Variants in GPC6 observed in about 807,000 individuals in gnomAD.
The protein encoded by GPC6 is glypican-6.
GPC6 carries 14 observed loss-of-function variants against 55.2 expected under a neutral mutation model. The observed-to-expected ratio is 0.25, with a 90% CI of 0.17 to 0.40. The LOEUF is 0.40. Ranked by LOEUF, GPC6 falls within the 10% of genes least tolerant of loss-of-function variation. GPC6 has a pLI of 1.00. For missense variants in GPC6, 641 were observed against 708.5 expected (o/e 0.90, Z 1.08); for synonymous variants, 278 against 259.6 (o/e 1.07, Z -0.68).
chr13:93,736,916 A>G (rs1290821313), intron 2 of GPC6, among the ~76,000 whole-genome samples: 1 of 152,178 alleles, frequency 6.6e-6, no homozygotes, highest in Non-Finnish European at 1.5e-5. Context: ...TGTTAGCTAA[A>G]CTGAGAAAGG....
chr13:93,485,970 GACTA>G (rs1328993623), intron 1 of GPC6, among the ~76,000 whole-genome samples: 1 of 152,174 alleles, frequency 6.6e-6, no homozygotes, highest in African/African-American at 2.4e-5. Context: ...AAGAGAAAAT[GACTA>G]ACTATGGAAA....
intron 1 of GPC6, among the ~76,000 whole-genome samples, chr13:93,462,226 A>C (rs1476593900): frequency 6.6e-6 from 1 of 152,204 alleles, no homozygotes; most frequent in African/African-American, 2.4e-5. Flanking sequence ...TCCATCCTTC[A>C]TCATCCTTGA....
chr13:94,263,036 A>G (rs1290244439), intron 4 of GPC6, among the ~76,000 whole-genome samples: 6 of 152,232 alleles, frequency 3.9e-5, no homozygotes, highest in Non-Finnish European at 7.3e-5. Flanking sequence ...CTTAGTGCCA[A>G]TCACATGTCA....
intron 2 of GPC6, among the ~76,000 whole-genome samples, chr13:93,819,170 A>C (rs879566653): frequency 6.6e-6 from 1 of 152,202 alleles, no homozygotes; most frequent in Non-Finnish European, 1.5e-5. Context: ...GTTCCTCTTT[A>C]GTCTCCTTAG....
intron 2 of GPC6, among the ~76,000 whole-genome samples, chr13:93,809,730 C>G (rs1886640679): frequency 6.6e-6 from 1 of 152,160 alleles, no homozygotes; most frequent in African/African-American, 2.4e-5. Context: ...TGCTGCTTGG[C>G]TGCCTGGATT....
chr13:93,379,166 A>G (rs1421163893), intron 1 of GPC6, among the ~76,000 whole-genome samples: 1 of 152,086 alleles, frequency 6.6e-6, no homozygotes, highest in African/African-American at 2.4e-5. Context: ...TAATCCTCCC[A>G]CCTCAGCTTC....
chr13:94,239,375 C>T (rs1202468495), intron 4 of GPC6, among the ~76,000 whole-genome samples: 1 of 152,148 alleles, frequency 6.6e-6, no homozygotes, highest in African/African-American at 2.4e-5. Context: ...TACTCCCACA[C>T]ATGTGGTTAA....
intron 8 of GPC6, among the ~76,000 whole-genome samples, chr13:94,400,406 A>G (rs1384707338): frequency 5.3e-5 from 8 of 152,136 alleles, no homozygotes; most frequent in Admixed American, 5.2e-4. Context: ...TATCTCTGTA[A>G]AGGTTGTATT....
At chr13:93,247,130 T>G (rs1230960548) in intron 1 of GPC6, among the ~76,000 whole-genome samples, 9 of 152,264 alleles carry the variant, frequency 5.9e-5, no homozygotes, top group African/African-American at 2.2e-4. Flanking sequence ...TGCAGTACCC[T>G]TAGGAGATAC....
At chr13:94,281,823 C>T (rs1207608243) in intron 4 of GPC6, among the ~76,000 whole-genome samples, 3 of 152,210 alleles carry the variant, frequency 2.0e-5, no homozygotes, top group Non-Finnish European at 4.4e-5. Context: ...GGTTCCTCAC[C>T]TGAAGCTAGC....
At chr13:93,280,495 AT>A (rs1396405173) in intron 1 of GPC6, among the ~76,000 whole-genome samples, 4 of 152,264 alleles carry the variant, frequency 2.6e-5, no homozygotes, top group Non-Finnish European at 4.4e-5. Context: ...AAATTCTTAC[AT>A]TATATATGGA....
At chr13:93,572,481 G>A (rs1347789107) in intron 2 of GPC6, among the ~76,000 whole-genome samples, 2 of 152,088 alleles carry the variant, frequency 1.3e-5, no homozygotes, top group African/African-American at 4.8e-5. Flanking sequence ...CCCCATCCCA[G>A]ATCTGCTAAA....
intron 1 of GPC6, among the ~76,000 whole-genome samples, chr13:93,427,148 A>T (rs61964172): frequency 0.21 from 31,123 of 151,624 alleles, 3,389 homozygotes; most frequent in Middle Eastern, 0.28. Context: ...GCCCTTTGTC[A>T]GATGAGTAGG....
At chr13:93,885,411 G>A (rs932709539) in intron 3 of GPC6, among the ~76,000 whole-genome samples, 20 of 150,238 alleles carry the variant, frequency 1.3e-4, no homozygotes, top group African/African-American at 4.7e-4. Flanking sequence ...AGACAGAAGA[G>A]GAAGCTGCAG....
At chr13:94,394,931 A>C (rs1880829798) in intron 7 of GPC6, among the ~76,000 whole-genome samples, 1 of 152,170 alleles carries the variant, frequency 6.6e-6, no homozygotes, top group Non-Finnish European at 1.5e-5. Flanking sequence ...TATTGCAGTG[A>C]GCTTCTGATA....
chr13:93,717,302 A>G (rs1037698151), intron 2 of GPC6, among the ~76,000 whole-genome samples: 2 of 151,704 alleles, frequency 1.3e-5, no homozygotes, highest in African/African-American at 4.8e-5. Flanking sequence ...TTTGGTTTTT[A>G]AAATTAGAGT....
chr13:93,727,764 A>G (rs1286841788), intron 2 of GPC6, among the ~76,000 whole-genome samples: 7 of 152,132 alleles, frequency 4.6e-5, no homozygotes, highest in Non-Finnish European at 8.8e-5. Flanking sequence ...AAATATCAGG[A>G]TGTGTCACTT....
chr13:94,392,415 ATTTTTTTTTT>A, intron 7 of GPC6, among the ~76,000 whole-genome samples: 1 of 105,672 alleles, frequency 9.5e-6, no homozygotes, highest in South Asian at 3.1e-4. Context: ...TCTATTTTTA[ATTTTTTTTTT>A]TTTTTTTTTT....
At chr13:94,055,335 G>T (rs1174903080) in intron 4 of GPC6, among the ~76,000 whole-genome samples, 1 of 152,148 alleles carries the variant, frequency 6.6e-6, no homozygotes, top group Non-Finnish European at 1.5e-5. Flanking sequence ...CACTAGCAAA[G>T]AAAGGAGGAG....
Sources: gnomAD v4.1 joint callset for allele counts (sites outside exome capture counted in the v4.1 genomes callset) on GRCh38, gnomAD v4.1.1 for gene constraint, MANE v1.5 for transcripts, NCBI Gene and HGNC (gene_info 2026-07-23, HGNC 2026-07-21) for gene names.